Variants in IGF2BP2 observed in about 807,000 individuals in gnomAD.
The protein encoded by IGF2BP2 is insulin-like growth factor 2 mRNA-binding protein 2.
A neutral mutation model predicts 75.8 loss-of-function variants in IGF2BP2; 17 were observed. That is an observed-to-expected ratio of 0.22 (90% CI 0.15 to 0.34). The LOEUF is 0.34. Ranked by LOEUF, IGF2BP2 falls within the 10% of genes least tolerant of loss-of-function variation. The pLI is 1.00. For missense variants in IGF2BP2, 516 were observed against 772.4 expected (o/e 0.67, Z 3.93); for synonymous variants, 288 against 295.6 (o/e 0.97, Z 0.26).
intron 2 of IGF2BP2, among the ~76,000 whole-genome samples, chr3:185,701,414 G>C (rs1247386903): frequency 1.3e-5 from 2 of 148,520 alleles, no homozygotes; most frequent in Non-Finnish European, 3.0e-5. Flanking sequence ...AAAAAACCAA[G>C]CCTCATTTTC....
rs537041335 is a variant in IGF2BP2 at position 185,723,531 on chromosome 3, CTGTTGG to C, written c.240-25190_240-25185del. On this transcript the variant is annotated intron_variant, in intron 2 of 15. Coordinates refer to ENST00000382199, the MANE Select transcript of IGF2BP2 (RefSeq NM_006548.6). ...GAACCTTCTTCCCACCCCAGTGTCT[CTGTTGG>C]TGGCATCCACCCCAGTCAATCCATT... Among the ~76,000 whole-genome samples the C allele has an allele frequency of 1.4e-4, 21 of 152,334 alleles. No individual in the cohort carries two copies. The South Asian group carries it at 4.3e-3, about 32-fold the overall frequency.
chr3:185,722,149 G>T (rs1372581246), intron 2 of IGF2BP2: 5 of 432,122 alleles, frequency 1.2e-5, no homozygotes, highest in Middle Eastern at 4.1e-4. Context: ...GCCCAGGCTG[G>T]TCTCAAATTC....
chr3:185,799,167 A>C (rs190458409), intron 2 of IGF2BP2, among the ~76,000 whole-genome samples: 19 of 151,972 alleles, frequency 1.3e-4, no homozygotes, highest in Non-Finnish European at 1.9e-4. Context: ...TGGGAGGTCA[A>C]GTCAGGCAGA....
chr3:185,792,457 T>A (rs542182868), intron 2 of IGF2BP2, among the ~76,000 whole-genome samples: 125 of 141,938 alleles, frequency 8.8e-4, no homozygotes, highest in African/African-American at 3.3e-3. Context: ...ATACAAAAAT[T>A]ATTTTTTTTT....
chr3:185,794,541 C>A (rs1737081912), intron 2 of IGF2BP2, among the ~76,000 whole-genome samples: 1 of 152,082 alleles, frequency 6.6e-6, no homozygotes, highest in South Asian at 2.1e-4. Flanking sequence ...CTAGACTTTA[C>A]CATCTCATTC....
At chr3:185,808,190 T>G (rs867920384) in intron 2 of IGF2BP2, among the ~76,000 whole-genome samples, 2 of 150,952 alleles carry the variant, frequency 1.3e-5, no homozygotes, top group Non-Finnish European at 3.0e-5. Context: ...AAATTGCTAA[T>G]AGAGGCCGGG....
Position 185,652,118 on chromosome 3 carries a change from G to C in IGF2BP2, c.1437C>G (p.Thr479=), listed in dbSNP as rs145090990. 6.0e-5 allele frequency: 97 copies of C among 1,612,622 alleles called. No homozygotes were observed. The highest frequency in any genetic ancestry group is 7.8e-5 in the Non-Finnish European group (92 of 1,179,142). Residue 479 remains threonine, a synonymous_variant, in exon 13 of 16, where the codon ACC becomes ACG. Coordinates refer to ENST00000382199, the MANE Select transcript of IGF2BP2 (RefSeq NM_006548.6). Reference sequence around the variant, plus strand: ...CCTTGAACTGGGCTTCCGGTGGCCCGGTGATGATGACCATCCTTTCGCTGA... The same window carrying C: ...CCTTGAACTGGGCTTCCGGTGGCCCCGTGATGATGACCATCCTTTCGCTGA... ...PDVSERMVII[T]GPPEAQFKAQ...
chr3:185,799,191 G>C (rs1737848661), intron 2 of IGF2BP2, among the ~76,000 whole-genome samples: 1 of 151,736 alleles, frequency 6.6e-6, no homozygotes, highest in African/African-American at 2.4e-5. Context: ...CTTGAGCCCA[G>C]GAGTATGAGA....
At chr3:185,700,663 A>G (rs1723164923) in intron 2 of IGF2BP2, among the ~76,000 whole-genome samples, 1 of 152,244 alleles carries the variant, frequency 6.6e-6, no homozygotes, top group Non-Finnish European at 1.5e-5. Flanking sequence ...GTTATTTCCA[A>G]ATACAAACAT....
At chr3:185,660,129 A>G (rs1322944302) in intron 10 of IGF2BP2, among the ~76,000 whole-genome samples, 1 of 152,198 alleles carries the variant, frequency 6.6e-6, no homozygotes, top group Non-Finnish European at 1.5e-5. Flanking sequence ...CGCTGACCTG[A>G]GTCAGCAGAA....
intron 1 of IGF2BP2, 127 bp from the exon 2 acceptor site, chr3:185,823,340 G>C (rs1051672023): frequency 1.8e-6 from 1 of 571,230 alleles, no homozygotes; most frequent in Non-Finnish European, 3.0e-6. Context: ...TCTCCTACCC[G>C]GATCGAGCTG....
chr3:185,739,852 AC>A (rs1383379069), intron 2 of IGF2BP2, among the ~76,000 whole-genome samples: 9 of 24,490 alleles, frequency 3.7e-4, no homozygotes, highest in African/African-American at 1.2e-3. Context: ...CCTCCCCCCC[AC>A]CCCCCCTACC....
rs1577775857 is a variant in IGF2BP2 at position 185,645,717 on chromosome 3, A to G, written c.1708-94T>C. The G allele has an allele frequency of 4.5e-6, 4 of 882,930 alleles. No individual in the cohort carries two copies. The highest frequency in any genetic ancestry group is 7.6e-6 in the Non-Finnish European group (4 of 528,050). The allele number at this position is 882,930 out of a possible 1,614,324, so 54.7% of individuals were successfully genotyped here. A position where few individuals can be genotyped will look rare whatever the true frequency, so the allele number is the denominator to read the frequency against. ...GCAGGGGAGGCTCTGGGGCTTGGGG[A>G]TGAAGGGTGGAATGCTCAGACAAGC... is the stretch of plus-strand genomic sequence containing the variant. On this transcript the variant is annotated intron_variant, in intron 15 of 15. Transcript: ENST00000382199. This position sits in a 1 kb window ranked among gnomAD's most constrained non-coding sequence, Gnocchi z 4.9.
chr3:185,796,599 G>A (rs945840616), intron 2 of IGF2BP2, among the ~76,000 whole-genome samples: 65 of 87,076 alleles, frequency 7.5e-4, no homozygotes, highest in Middle Eastern at 6.3e-3. Context: ...CCAGGGACAA[G>A]AACAATTCCT....
chr3:185,706,274 T>C (rs1724007677), intron 2 of IGF2BP2, among the ~76,000 whole-genome samples: 2 of 152,208 alleles, frequency 1.3e-5, no homozygotes, highest in Admixed American at 6.5e-5. Context: ...TGGTAGCACA[T>C]GCCTGTAGTC....
At chr3:185,719,695 G>A (rs1009598781) in intron 2 of IGF2BP2, among the ~76,000 whole-genome samples, 10 of 152,172 alleles carry the variant, frequency 6.6e-5, no homozygotes, top group Admixed American at 3.3e-4. Context: ...TTAGCTGGAC[G>A]TGGTGGTGCA....
intron 2 of IGF2BP2, among the ~76,000 whole-genome samples, chr3:185,812,733 C>A (rs575025215): frequency 1.3e-5 from 2 of 152,282 alleles, no homozygotes; most frequent in South Asian, 4.1e-4. Context: ...CAGTTGTCTT[C>A]GTATTGGGCA....
intron 2 of IGF2BP2, among the ~76,000 whole-genome samples, chr3:185,723,602 A>G (rs1268813017): frequency 6.6e-6 from 1 of 152,190 alleles, no homozygotes; most frequent in African/African-American, 2.4e-5. Flanking sequence ...GCACTGGGCC[A>G]AGCCCCTCAG....
chr3:185,707,679 C>T (rs569950265), intron 2 of IGF2BP2, among the ~76,000 whole-genome samples: 1 of 152,024 alleles, frequency 6.6e-6, no homozygotes, highest in African/African-American at 2.4e-5. Flanking sequence ...ATAATTATTC[C>T]AAGAAACATG....
Sources: gnomAD v4.1 joint callset for allele counts (sites outside exome capture counted in the v4.1 genomes callset) on GRCh38, gnomAD v4.1.1 for gene constraint, Gnocchi (gnomAD v3.1) non-coding constraint, MANE v1.5 for transcripts, NCBI Gene and HGNC (gene_info 2026-07-23, HGNC 2026-07-21) for gene names.